CBFA2T2: variants seen among roughly 807,000 people sequenced by gnomAD.
CBFA2T2 encodes the protein CBFA2/RUNX1 partner transcriptional co-repressor 2.
CBFA2T2 carries 11 observed loss-of-function variants against 62.2 expected under a neutral mutation model. The observed-to-expected ratio is 0.18, with a 90% CI of 0.11 to 0.29. The LOEUF is 0.29. Among genes scored for constraint, CBFA2T2 ranks in the 10% least tolerant of loss-of-function variants. CBFA2T2 has a pLI of 1.00. For synonymous variants in CBFA2T2, 295 were observed against 287.5 expected, an observed-to-expected ratio of 1.03 and a Z score of -0.27; for missense variants, 592 against 774.1, an observed-to-expected ratio of 0.76 and a Z score of 2.79.
chr20:33,611,471 G>T, intron 3 of CBFA2T2, 136 bp downstream of exon 3: 1 of 969,220 alleles, frequency 1.0e-6, no homozygotes, highest in South Asian at 1.6e-5. Flanking sequence ...ACTAGTTATT[G>T]AATAACTTGT....
intron 1 of CBFA2T2, among the ~76,000 whole-genome samples, chr20:33,513,610 G>C (rs62209592): frequency 1 from 151,327 of 151,520 alleles, 75,568 homozygotes; most frequent in Middle Eastern, 1. Flanking sequence ...ATCCGCCTGC[G>C]TTGGCCTCCC....
In CBFA2T2 at chr20:33,623,559, ATGTTTGTTTGTTTGTT is replaced by A. The variant is rs72452489; in HGVS notation, c.692+289_692+304del. 5.4e-4 allele frequency among the ~76,000 whole-genome samples: 80 copies of A among 148,880 alleles called. No homozygotes were observed. The East Asian group carries it at 0.011, about 20-fold the overall frequency. On this transcript the variant is annotated intron_variant, in intron 5 of 10. Coordinates refer to ENST00000342704, the MANE Select transcript of CBFA2T2 (RefSeq NM_001032999.3). ...AGGCACGTGCCACCATGACCAGCTA[ATGTTTGTTTGTTTGTT>A]TGTTTGTTTGTTTGTTTGTTTGTTT...
intron 1 of CBFA2T2, among the ~76,000 whole-genome samples, chr20:33,568,577 C>G (rs1015066558): frequency 1.3e-5 from 2 of 152,112 alleles, no homozygotes; most frequent in Non-Finnish European, 2.9e-5. Flanking sequence ...CTGCTCTGTC[C>G]CTCTGCTCCC....
At chr20:33,606,682 C>T (rs1302534773) in intron 1 of CBFA2T2, among the ~76,000 whole-genome samples, 1 of 152,044 alleles carries the variant, frequency 6.6e-6, no homozygotes, top group Non-Finnish European at 1.5e-5. Context: ...TTTAAGGACA[C>T]CATTCAGATT....
At chr20:33,570,964 G>A (rs970738737) in intron 1 of CBFA2T2, among the ~76,000 whole-genome samples, 1 of 152,128 alleles carries the variant, frequency 6.6e-6, no homozygotes, top group Non-Finnish European at 1.5e-5. Flanking sequence ...GCTTTGTCGG[G>A]GCCCCAGGCT....
chr20:33,636,428 G>A (rs1206487341), intron 8 of CBFA2T2, among the ~76,000 whole-genome samples: 1 of 152,088 alleles, frequency 6.6e-6, no homozygotes, highest in Non-Finnish European at 1.5e-5. Context: ...TTGAAATACT[G>A]TTAATTTGTT....
chr20:33,549,495 C>A (rs1366130677), intron 1 of CBFA2T2, among the ~76,000 whole-genome samples: 1 of 152,066 alleles, frequency 6.6e-6, no homozygotes, highest in Non-Finnish European at 1.5e-5. Flanking sequence ...TTAAAGAAGC[C>A]ACAAAAGATG....
intron 1 of CBFA2T2, among the ~76,000 whole-genome samples, chr20:33,579,104 GGTTTTTTTTTGT>G (rs2013980628): frequency 6.8e-6 from 1 of 147,916 alleles, no homozygotes; most frequent in Admixed American, 7.0e-5. Context: ...TTTTTTTGGG[GGTTTTTTTTTGT>G]TTTTTTTTTT....
chr20:33,595,216 A>G (rs957916163), intron 1 of CBFA2T2, among the ~76,000 whole-genome samples: 1 of 152,114 alleles, frequency 6.6e-6, no homozygotes, highest in Non-Finnish European at 1.5e-5. Flanking sequence ...TACACTTGAA[A>G]AAATTTTTTT....
intron 9 of CBFA2T2, chr20:33,639,573 CAAAAA>C: frequency 8.1e-6 from 1 of 124,128 alleles, no homozygotes; most frequent in South Asian, 2.6e-4. Flanking sequence ...GACTCCGTCG[CAAAAA>C]AAAAAAAAGA....
chr20:33,603,417 A>T (rs145696573), intron 1 of CBFA2T2, among the ~76,000 whole-genome samples: 1 of 152,244 alleles, frequency 6.6e-6, no homozygotes. Flanking sequence ...GTGTTGAACC[A>T]TAAGTCATTT....
chr20:33,562,664 G>A (rs2013132242), intron 1 of CBFA2T2: 1 of 985,180 alleles, frequency 1.0e-6, no homozygotes, highest in African/African-American at 1.7e-5. Context: ...TTTATAATTT[G>A]GGCATTTGGG....
intron 1 of CBFA2T2, among the ~76,000 whole-genome samples, chr20:33,512,847 G>C (rs2011534230): frequency 6.6e-6 from 1 of 151,720 alleles, no homozygotes; most frequent in Admixed American, 6.6e-5. Flanking sequence ...CCGCCTCCTG[G>C]GTTCAAGCCT....
intron 9 of CBFA2T2, among the ~76,000 whole-genome samples, chr20:33,638,127 A>G (rs909665880): frequency 4.0e-5 from 6 of 150,374 alleles, no homozygotes; most frequent in African/African-American, 1.5e-4. Flanking sequence ...GGCACCCCCG[A>G]CCATGCCCGG....
At chr20:33,624,420 A>G (rs981665060) in intron 5 of CBFA2T2, among the ~76,000 whole-genome samples, 1 of 151,964 alleles carries the variant, frequency 6.6e-6, no homozygotes, top group Non-Finnish European at 1.5e-5. Flanking sequence ...TCATCTCCAC[A>G]GTAACAAATT....
At chr20:33,627,981 T>C (rs1186791346) in intron 6 of CBFA2T2, among the ~76,000 whole-genome samples, 2 of 152,224 alleles carry the variant, frequency 1.3e-5, no homozygotes, top group African/African-American at 2.4e-5. Flanking sequence ...GTACACACGC[T>C]AGTTTTGGTG....
intron 1 of CBFA2T2, among the ~76,000 whole-genome samples, chr20:33,540,773 C>T (rs1459394761): frequency 6.6e-6 from 1 of 152,066 alleles, no homozygotes; most frequent in Non-Finnish European, 1.5e-5. Context: ...TGGATGCTTC[C>T]TTAGTGCTGC....
At chr20:33,567,339 T>A (rs2013365241) in intron 1 of CBFA2T2, among the ~76,000 whole-genome samples, 1 of 152,214 alleles carries the variant, frequency 6.6e-6, no homozygotes, top group Admixed American at 6.5e-5. Flanking sequence ...TGTATATGTA[T>A]ACATATTATC....
At chr20:33,503,583 T>C (rs1443812569) in intron 1 of CBFA2T2, among the ~76,000 whole-genome samples, 1 of 152,168 alleles carries the variant, frequency 6.6e-6, no homozygotes, top group East Asian at 1.9e-4. Context: ...AAAAAAATTA[T>C]TGTATAAAAC....
Sources: gnomAD v4.1 joint callset for allele counts (sites outside exome capture counted in the v4.1 genomes callset) on GRCh38, gnomAD v4.1.1 for gene constraint, MANE v1.5 for transcripts, NCBI Gene and HGNC (gene_info 2026-07-23, HGNC 2026-07-21) for gene names.